Variants in HEATR5A observed in about 807,000 individuals in gnomAD.
The protein encoded by HEATR5A is HEAT repeat-containing protein 5A.
In HEATR5A, 178 loss-of-function variants were observed where a neutral mutation model predicts 218.8. The observed-to-expected ratio is 0.81, with a 90% CI of 0.72 to 0.92. The LOEUF (loss-of-function observed/expected upper bound fraction) is 0.92. HEATR5A is among the 40% of genes least tolerant of loss of function. The probability of loss-of-function intolerance (pLI) is 0.00; values close to 1 mark genes in which losing one functional copy is unlikely to be tolerated. For missense variants in HEATR5A, 2,420 were observed against 2,418.9 expected, an observed-to-expected ratio of 1.00 and a Z score of -0.01; for synonymous variants, 864 against 871.6, an observed-to-expected ratio of 0.99 and a Z score of 0.15.
At chr14:31,377,644 G>A (rs1162973591) in intron 11 of HEATR5A, among the ~76,000 whole-genome samples, 7 of 152,014 alleles carry the variant, frequency 4.6e-5, no homozygotes, top group African/African-American at 1.7e-4. Flanking sequence ...TAGCCAGGCA[G>A]GGTGGTGCAC....
At position 31,369,654 on chromosome 14, in the gene HEATR5A, G is replaced by A. The variant is rs1901955023; in HGVS notation, c.1961+2156C>T. On this transcript the variant is annotated intron_variant, in intron 13 of 35. Transcript: ENST00000543095. Reference sequence around the variant, plus strand: ...AAAAAAAACCCAAAAATGGCCTGACGCAGTGGCTCATGCCTGTAATCCCAG... The same window carrying A: ...AAAAAAAACCCAAAAATGGCCTGACACAGTGGCTCATGCCTGTAATCCCAG... Among the ~76,000 whole-genome samples, 4 of 130,926 alleles carry A rather than the reference G, an allele frequency of 3.1e-5. No homozygotes were observed. In the South Asian group the frequency reaches 7.6e-4, roughly 25 times the overall value. 85.9% of individuals were successfully genotyped at this position (130,926 alleles called of 152,430 possible).
chr14:31,326,197 T>G lies in HEATR5A; in HGVS notation c.3513A>C (p.Leu1171Phe), dbSNP rs376184835. 8.1e-5 allele frequency: 131 copies of G among 1,613,344 alleles called. No individual in the cohort carries two copies. The East Asian group carries it at 2.3e-3, about 28-fold the overall frequency. ...CAGCAAGTACATCTTTACAAAGCTTTAACCACAGGGAGAGTTTTTCCACTG... is the reference window on the plus strand; with the variant it reads ...CAGCAAGTACATCTTTACAAAGCTTGAACCACAGGGAGAGTTTTTCCACTG... ...SMAVEKLSLW[L>F]KLCKDVLAAS... Residue 1171 changes from leucine to phenylalanine, a missense_variant, in exon 23 of 36, where the codon TTA becomes TTC. Leu to Phe is a conservative substitution (Grantham distance 22, BLOSUM62 0). Transcript: ENST00000543095.
chr14:31,393,546 T>C (rs1222945464), intron 6 of HEATR5A, among the ~76,000 whole-genome samples: 3 of 152,224 alleles, frequency 2.0e-5, no homozygotes, highest in Non-Finnish European at 2.9e-5. Context: ...AAGACAATGA[T>C]TGCATAAAGT....
intron 9 of HEATR5A, among the ~76,000 whole-genome samples, chr14:31,384,444 G>GAA (rs1194724680): frequency 8.9e-6 from 1 of 112,834 alleles, no homozygotes; most frequent in Non-Finnish European, 1.9e-5. Context: ...ACCCTGCCTT[G>GAA]AAAAAAAAAA....
At chr14:31,388,411 T>A (rs761709268) in intron 7 of HEATR5A, among the ~76,000 whole-genome samples, 29 of 152,338 alleles carry the variant, frequency 1.9e-4, no homozygotes, top group African/African-American at 5.3e-4. Context: ...ATGAAAAATT[T>A]AAGCACTGAA....
At chr14:31,362,118 C>T (rs903103001) in intron 14 of HEATR5A, among the ~76,000 whole-genome samples, 2 of 152,066 alleles carry the variant, frequency 1.3e-5, no homozygotes, top group Admixed American at 6.6e-5. Context: ...GCATGTGCCA[C>T]CATGCCCAGC....
chr14:31,350,433 A>G (rs1229526192), intron 17 of HEATR5A, among the ~76,000 whole-genome samples, 179 bp downstream of exon 17: 1 of 152,224 alleles, frequency 6.6e-6, no homozygotes, highest in Non-Finnish European at 1.5e-5. Context: ...ATTTCTAACA[A>G]GTTTTATGTG....
intron 26 of HEATR5A, among the ~76,000 whole-genome samples, chr14:31,317,570 A>G (rs1326848995): frequency 1.3e-5 from 2 of 152,172 alleles, no homozygotes; most frequent in African/African-American, 4.8e-5. Flanking sequence ...TGCTGGGATT[A>G]CAGGCGTGAG....
intron 22 of HEATR5A, among the ~76,000 whole-genome samples, chr14:31,329,397 A>G (rs1033098310): frequency 3.9e-5 from 6 of 152,246 alleles, no homozygotes; most frequent in African/African-American, 1.2e-4. Flanking sequence ...CAATGGGGGT[A>G]CAGGCATTGG....
Position 31,323,659 on chromosome 14 carries a change from T to C in HEATR5A, c.3693A>G (p.Glu1231=). Residue 1231 remains glutamate (E), a synonymous_variant, in exon 24 of 36, where the codon GAA becomes GAG. Coordinates refer to ENST00000543095, the MANE Select transcript of HEATR5A (RefSeq NM_015473.4). ...ATTGGTTAATTATCCTACAGACACA[T>C]TCAGCAGCAAAGACTCTAGTAGCCC... The part of the protein sequence containing the change: ...PRWATRVFAA[E]CVCRIINQCE... The C allele has an allele frequency of 5.6e-6, 9 of 1,613,596 alleles. No individual in the cohort carries two copies. Among genetic ancestry groups the C allele is most frequent in the Non-Finnish European group, 7.6e-6 (9 of 1,179,626 alleles).
chr14:31,364,495 C>T (rs973166104), intron 13 of HEATR5A, among the ~76,000 whole-genome samples, 197 bp from the exon 14 acceptor site: 1 of 152,230 alleles, frequency 6.6e-6, no homozygotes, highest in African/African-American at 2.4e-5. Flanking sequence ...TCTTGGCTCA[C>T]GGCAACCTCT....
chr14:31,315,160 C>T (rs568578446), intron 27 of HEATR5A, among the ~76,000 whole-genome samples: 31 of 152,192 alleles, frequency 2.0e-4, no homozygotes, highest in African/African-American at 6.7e-4. Flanking sequence ...GTCAACAGAG[C>T]AAGACTCTGT....
chr14:31,295,581 T>TTA (rs1899163919), intron 34 of HEATR5A: 1 of 145,420 alleles, frequency 6.9e-6, no homozygotes, highest in African/African-American at 2.7e-5. Context: ...TTTTTTTTTT[T>TTA]AAATAAAATC....
At chr14:31,325,677 TA>T (rs1031422764) in intron 23 of HEATR5A, among the ~76,000 whole-genome samples, 1 of 150,692 alleles carries the variant, frequency 6.6e-6, no homozygotes, top group Non-Finnish European at 1.5e-5. Flanking sequence ...CCCAGCTAAT[TA>T]AAAAAAAAAT....
intron 25 of HEATR5A, chr14:31,320,753 A>C (rs1900071087): frequency 6.0e-6 from 2 of 335,630 alleles, no homozygotes; most frequent in Non-Finnish European, 1.2e-5. Flanking sequence ...TAACAGGGCC[A>C]TTTTTTTTCC....
At chr14:31,390,283 G>A (rs1431919726) in intron 6 of HEATR5A, among the ~76,000 whole-genome samples, 2 of 152,096 alleles carry the variant, frequency 1.3e-5, no homozygotes, top group Non-Finnish European at 2.9e-5. Context: ...ACTGAAATGA[G>A]GTGCCAGTGG....
At chr14:31,359,753 A>AAAAT (rs1901556785) in intron 14 of HEATR5A, among the ~76,000 whole-genome samples, 1 of 147,060 alleles carries the variant, frequency 6.8e-6, no homozygotes, top group African/African-American at 2.6e-5. Flanking sequence ...AAAAAAAAAA[A>AAAAT]GAATTATCCT....
rs2139286920 is a variant in HEATR5A at position 31,389,344 on chromosome 14, T to C, written c.773-339A>G. ...CCTAGTCCTCCACAAATGAAAATGC[T>C]ATACAATGCTTTGAAAATTCTTTTG... On this transcript the variant is annotated intron_variant, in intron 6 of 35. Coordinates refer to ENST00000543095, the MANE Select transcript of HEATR5A (RefSeq NM_015473.4). Among the ~76,000 whole-genome samples, 3 of 152,328 alleles carry C rather than the reference T, an allele frequency of 2.0e-5. 1 individual carries two copies. The Middle Eastern group carries it at 0.01, about 518-fold the overall frequency.
At chr14:31,390,035 G>A (rs2030387687) in intron 6 of HEATR5A, among the ~76,000 whole-genome samples, 2 of 152,136 alleles carry the variant, frequency 1.3e-5, no homozygotes, top group African/African-American at 2.4e-5. Flanking sequence ...TTGAAATGGT[G>A]ACATTTTAAC....
Sources: gnomAD v4.1 joint callset for allele counts (sites outside exome capture counted in the v4.1 genomes callset) on GRCh38, gnomAD v4.1.1 for gene constraint, MANE v1.5 for transcripts, NCBI Gene and HGNC (gene_info 2026-07-23, HGNC 2026-07-21) for gene names.